The following MRAP2 variants were observed in gnomAD, a reference collection of about 807,000 sequenced individuals.
MRAP2 encodes the protein melanocortin-2 receptor accessory protein 2.
MRAP2 carries 20 observed loss-of-function variants against 17.4 expected under a neutral mutation model. The ratio of observed to expected loss-of-function variants is 1.15; its 90% CI spans 0.81 to 1.67. The LOEUF is 1.67. Ranked by LOEUF, MRAP2 falls within the 40% of genes most tolerant of loss-of-function variation. The probability of loss-of-function intolerance (pLI) is 0.00; values close to 1 mark genes in which losing one functional copy is unlikely to be tolerated. For synonymous variants in MRAP2, 96 were observed against 88.4 expected (o/e 1.09, Z -0.48); for missense variants, 238 against 240.0 (o/e 0.99, Z 0.05).
the MRAP2 span, among the ~76,000 whole-genome samples, chr6:84,140,767 C>A: frequency 6.6e-6 from 1 of 152,144 alleles, no homozygotes; most frequent in Non-Finnish European, 1.5e-5. Context: ...TTGGGAGATC[C>A]TCTCACCTCA....
chr6:84,131,984 C>T, the MRAP2 span, among the ~76,000 whole-genome samples: 4 of 152,106 alleles, frequency 2.6e-5, no homozygotes, highest in South Asian at 6.2e-4. Context: ...TGGTACCAGT[C>T]GTTCCTTTCC....
At chr6:84,062,244 C>T in intron 2 of MRAP2, 1 of 358,280 alleles carries the variant, frequency 2.8e-6, no homozygotes. Context: ...AACAATAGCT[C>T]AGTCTCAGCT....
At chr6:84,135,841 C>T in the MRAP2 span, among the ~76,000 whole-genome samples, 24 of 152,244 alleles carry the variant, frequency 1.6e-4, no homozygotes, top group South Asian at 8.3e-4. Flanking sequence ...CCAGCCTGGG[C>T]GACAACAGTA....
the MRAP2 span, among the ~76,000 whole-genome samples, chr6:84,138,249 G>C: frequency 6.6e-6 from 1 of 152,152 alleles, no homozygotes; most frequent in South Asian, 2.1e-4. Context: ...CAAAATATTT[G>C]AAACAACTGT....
intron 3 of MRAP2, among the ~76,000 whole-genome samples, chr6:84,087,953 G>C (rs1168888360): frequency 6.6e-6 from 1 of 152,132 alleles, no homozygotes; most frequent in Non-Finnish European, 1.5e-5. Context: ...ATAATTTGGA[G>C]TTTAGTGATA....
chr6:84,101,199 C>T, the MRAP2 span, among the ~76,000 whole-genome samples: 3 of 152,156 alleles, frequency 2.0e-5, no homozygotes, highest in African/African-American at 7.2e-5. Flanking sequence ...AATAGTACAT[C>T]AACTCAGACC....
chr6:84,099,210 C>G, the MRAP2 span, among the ~76,000 whole-genome samples: 10 of 137,382 alleles, frequency 7.3e-5, no homozygotes, highest in Non-Finnish European at 1.4e-4. Flanking sequence ...TTATGGATAT[C>G]TAATCGTTCC....
the MRAP2 span, among the ~76,000 whole-genome samples, chr6:84,139,558 G>A: frequency 6.6e-6 from 1 of 152,082 alleles, no homozygotes; most frequent in Non-Finnish European, 1.5e-5. Context: ...GACTTTCTGG[G>A]ATACCCCATC....
chr6:84,042,443 G>T (rs886164253), intron 1 of MRAP2, among the ~76,000 whole-genome samples: 8 of 152,092 alleles, frequency 5.3e-5, no homozygotes, highest in Non-Finnish European at 1.0e-4. Flanking sequence ...ACATTTATTT[G>T]GTTCTTACAG....
At chr6:84,065,771 T>G (rs1465571368) in intron 3 of MRAP2, among the ~76,000 whole-genome samples, 1 of 152,202 alleles carries the variant, frequency 6.6e-6, no homozygotes, top group Non-Finnish European at 1.5e-5. Flanking sequence ...GAGCGTACCA[T>G]TTATCAGTAC....
chr6:84,059,946 AC>A (rs2129166496), intron 2 of MRAP2, among the ~76,000 whole-genome samples: 1 of 152,228 alleles, frequency 6.6e-6, no homozygotes, highest in South Asian at 2.1e-4. Context: ...TGTGAATAAA[AC>A]TTCAGGAGAG....
At chr6:84,077,742 C>T (rs953557500) in intron 3 of MRAP2, among the ~76,000 whole-genome samples, 1 of 151,944 alleles carries the variant, frequency 6.6e-6, no homozygotes, top group African/African-American at 2.4e-5. Flanking sequence ...AAAGAAAAAT[C>T]TTTTTAAATG....
the MRAP2 span, among the ~76,000 whole-genome samples, chr6:84,140,282 A>G: frequency 6.6e-6 from 1 of 151,866 alleles, no homozygotes; most frequent in African/African-American, 2.4e-5. Flanking sequence ...TGATACTGGG[A>G]GAGTCCTATC....
the MRAP2 span, among the ~76,000 whole-genome samples, chr6:84,117,486 G>A: frequency 6.7e-6 from 1 of 149,504 alleles, no homozygotes; most frequent in Non-Finnish European, 1.5e-5. Context: ...GAATTCATAT[G>A]GTCCTGGGCT....
At chr6:84,115,119 GCTCTCTTC>G in the MRAP2 span, among the ~76,000 whole-genome samples, 1 of 152,198 alleles carries the variant, frequency 6.6e-6, no homozygotes, top group African/African-American at 2.4e-5. Context: ...GAGATCCACA[GCTCTCTTC>G]AGAGCTGTCA....
the MRAP2 span, among the ~76,000 whole-genome samples, chr6:84,102,633 GTTGTT>G: frequency 3.7e-4 from 56 of 152,268 alleles, no homozygotes; most frequent in African/African-American, 1.3e-3. Context: ...ATAAGCTTGT[GTTGTT>G]TTAAGTCATT....
chr6:84,076,063 A>AT (rs112677139), intron 3 of MRAP2, among the ~76,000 whole-genome samples: 2,341 of 146,380 alleles, frequency 0.016, 55 homozygotes, highest in African/African-American at 0.053. Flanking sequence ...TTCAGGAGTT[A>AT]TTTTTTTTTT....
chr6:84,040,908 T>C (rs761029746), intron 1 of MRAP2, among the ~76,000 whole-genome samples: 8 of 152,248 alleles, frequency 5.3e-5, no homozygotes, highest in Non-Finnish European at 1.0e-4. Context: ...TCAAGCCAGC[T>C]GCAGAAATTT....
Position 84,089,401 on chromosome 6 carries a change from G to T in MRAP2, c.538G>T (p.Asp180Tyr). The T allele has an allele frequency of 6.2e-7, 1 of 1,614,156 alleles. No homozygotes were observed. Residue 180 changes from aspartate to tyrosine, a missense_variant, in exon 4 of 4, where the codon GAT becomes TAT. By Grantham distance (160) the Asp-to-Tyr change is radical (BLOSUM62 -3). Transcript: ENST00000257776. The stretch of plus-strand genomic sequence containing the variant: ...CACAGACCAGAACTACTTTGGGGAG[G>T]ATGATCTTCTGATTTCTGAACCACC... Reference protein sequence around the residue: ...VNTDQNYFGEDDLLISEPPIV... With the variant: ...VNTDQNYFGEYDLLISEPPIV...
Sources: allele counts gnomAD v4.1 joint callset (sites outside exome capture counted in the v4.1 genomes callset), GRCh38; gene constraint gnomAD v4.1.1; transcripts MANE v1.5; gene names NCBI Gene and HGNC (gene_info 2026-07-23, HGNC 2026-07-21).